Variants in FAM111B observed in about 807,000 individuals in gnomAD.
FAM111B encodes the protein FAM111 trypsin like peptidase B.
A neutral mutation model predicts 2.8 loss-of-function variants in FAM111B; 1 was observed. The observed-to-expected ratio is 0.36, with a 90% confidence interval of 0.13 to 1.70. FAM111B has a LOEUF of 1.70. Ranked by LOEUF, FAM111B falls within the 40% of genes most tolerant of loss-of-function variation. The probability of loss-of-function intolerance (pLI) is 0.35; values close to 1 mark genes in which losing one functional copy is unlikely to be tolerated. For synonymous variants in FAM111B, 297 were observed against 295.6 expected (o/e 1.00, Z -0.05); for missense variants, 882 against 878.9 (o/e 1.00, Z -0.04).
At chr11:59,122,925 T>C (rs1361487298) in intron 3 of FAM111B, among the ~76,000 whole-genome samples, 3 of 152,206 alleles carry the variant, frequency 2.0e-5, no homozygotes, top group Non-Finnish European at 2.9e-5. Context: ...CTTATTCCTC[T>C]ATTTATATAG....
chr11:59,109,028 A>G (rs1218430928), intron 2 of FAM111B, among the ~76,000 whole-genome samples: 1 of 152,216 alleles, frequency 6.6e-6, no homozygotes, highest in Non-Finnish European at 1.5e-5. Context: ...CTACTGCGGA[A>G]GAAATACCTT....
chr11:59,125,260 TAAAG>T lies in FAM111B; in HGVS notation c.1166_1169del (p.Lys389IlefsTer5). The T allele has an allele frequency of 6.2e-7, 1 of 1,613,876 alleles. No homozygotes were observed. Among genetic ancestry groups the T allele is most frequent in the Non-Finnish European group, 8.5e-7 (1 of 1,179,836 alleles). On this transcript the variant is annotated frameshift_variant, in exon 4 of 4. Transcript: ENST00000343597. LOFTEE classifies it low-confidence loss of function (END_TRUNC). ...GTCCAAAAGGAGGCAATTAATCTCT[TAAAG>T]AATTATCAAACGTTGAATGAAGCCA... is the stretch of plus-strand genomic sequence containing the variant.
intron 3 of FAM111B, among the ~76,000 whole-genome samples, chr11:59,119,852 A>G (rs980744473): frequency 2.6e-5 from 4 of 152,204 alleles, no homozygotes; most frequent in African/African-American, 9.7e-5. Context: ...ATAGTAAAAT[A>G]TAATATTTGA....
chr11:59,125,574 C>T lies in FAM111B; in HGVS notation c.1477C>T (p.His493Tyr). The change falls in exon 4 of 4, where the codon CAT (histidine) becomes TAT (tyrosine). Residue 493 changes from histidine (H) to tyrosine (Y), a missense_variant. His to Tyr is a moderately conservative substitution (Grantham distance 83). Transcript: ENST00000343597. ...GYIFTCRHVV[H>Y]LMVGKNTHPS... ...TATTTTCACCTGTCGACATGTTGTA[C>T]ATCTTATGGTGGGTAAAAACACACA... 1 of 1,613,864 alleles carries T rather than the reference C, an allele frequency of 6.2e-7. No homozygotes were observed. The highest frequency in any genetic ancestry group is 8.5e-7 in the Non-Finnish European group (1 of 1,179,804).
chr11:59,114,808 T>TTG (rs886118750), intron 3 of FAM111B, among the ~76,000 whole-genome samples: 12 of 151,772 alleles, frequency 7.9e-5, no homozygotes, highest in African/African-American at 2.9e-4. Context: ...TTGTGTGTGT[T>TTG]TGTGTGTGTG....
chr11:59,126,555 A>G lies in FAM111B; in HGVS notation c.*253A>G. 3.1e-6 allele frequency: 1 copy of G among 320,744 alleles called. No homozygotes were observed. Among genetic ancestry groups the G allele is most frequent in the Non-Finnish European group, 5.6e-6 (1 of 177,572 alleles). The allele number at this position is 320,744 out of a possible 1,614,324, so 19.9% of individuals were successfully genotyped here. On this transcript the variant is annotated 3_prime_UTR_variant, in exon 4 of 4. Transcript: ENST00000343597. ...AGGAACTTAAACAGATTAACAAGCA[A>G]AAAAAACAAGCAACCCCATTAAAAA...
intron 3 of FAM111B, among the ~76,000 whole-genome samples, chr11:59,120,970 A>G (rs186809030): frequency 5.1e-4 from 78 of 152,214 alleles, no homozygotes; most frequent in Middle Eastern, 3.4e-3. Context: ...TTAGTTATCC[A>G]CATGCAAAAA....
intron 3 of FAM111B, among the ~76,000 whole-genome samples, chr11:59,118,852 C>A (rs1377641084): frequency 6.6e-6 from 1 of 152,164 alleles, no homozygotes; most frequent in African/African-American, 2.4e-5. Flanking sequence ...TGGCTTATTA[C>A]AGTGATATAT....
intron 2 of FAM111B, 118 bp downstream of exon 2, chr11:59,108,830 C>T (rs1859709010): frequency 6.6e-6 from 1 of 152,142 alleles, no homozygotes; most frequent in African/African-American, 2.4e-5. Context: ...TTTTAAGTGC[C>T]TGCTGATTTT....
chr11:59,112,469 T>C (rs565337785), intron 3 of FAM111B, among the ~76,000 whole-genome samples: 1 of 152,344 alleles, frequency 6.6e-6, no homozygotes, highest in South Asian at 2.1e-4. Flanking sequence ...TTGTGAACAT[T>C]TGCCTGCAGG....
rs187842961 is a variant in FAM111B at position 59,107,273 on chromosome 11, C to G, written c.-155C>G. On this transcript the variant is annotated 5_prime_UTR_variant, in exon 1 of 4. Coordinates refer to ENST00000343597, the MANE Select transcript of FAM111B (RefSeq NM_198947.4). ...GGCGGGCACTGACGGGCACTTGCAC[C>G]GTGTGGACAGACTCTCCGGTTCTGT... is the stretch of plus-strand genomic sequence containing the variant. 6.6e-5 allele frequency: 10 copies of G among 152,506 alleles called. No individual in the cohort carries two copies. The highest frequency in any genetic ancestry group is 2.6e-4 in the Admixed American group (4 of 15,300). 9.4% of individuals were successfully genotyped at this position (152,506 alleles called of 1,614,324 possible). A position where few individuals can be genotyped will look rare whatever the true frequency, so the allele number is the denominator to read the frequency against.
chr11:59,114,709 C>T (rs979363996), intron 3 of FAM111B, among the ~76,000 whole-genome samples: 14 of 152,150 alleles, frequency 9.2e-5, no homozygotes, highest in East Asian at 1.9e-4. Flanking sequence ...GTGCCTGGTA[C>T]GTCACAGGTA....
chr11:59,121,509 G>A (rs1859921163), intron 3 of FAM111B, among the ~76,000 whole-genome samples: 1 of 152,052 alleles, frequency 6.6e-6, no homozygotes, highest in South Asian at 2.1e-4. Context: ...AGTGCAAGGT[G>A]GTACAACCAT....
chr11:59,108,059 G>A (rs764557705), intron 1 of FAM111B, among the ~76,000 whole-genome samples: 4 of 152,350 alleles, frequency 2.6e-5, no homozygotes, highest in Admixed American at 1.3e-4. Context: ...TGAGGCGGGG[G>A]TTGTGGAGTG....
In FAM111B at chr11:59,124,457, G is replaced by T; in HGVS notation, c.360G>T (p.Arg120Ser). The part of the protein sequence containing the change: ...ALSANDYFSE[R>S]IKNQFNKNII... ...GTGCTAATGACTATTTCAGTGAAAGGATAAAGAATCAGTTTAATAAGAACA... is the reference window on the plus strand; with the variant it reads ...GTGCTAATGACTATTTCAGTGAAAGTATAAAGAATCAGTTTAATAAGAACA... Residue 120 changes from arginine (R) to serine (S), a missense_variant, in exon 4 of 4, where the codon AGG (arginine) becomes AGT (serine). Physicochemically the swap from Arg to Ser is moderately radical, Grantham distance 110 (BLOSUM62 -1). Transcript: ENST00000343597. 6.2e-7 allele frequency: 1 copy of T among 1,613,560 alleles called. No individual in the cohort carries two copies. Among genetic ancestry groups the T allele is most frequent in the South Asian group, 1.1e-5 (1 of 91,060 alleles).
chr11:59,125,949 A>T lies in FAM111B; in HGVS notation c.1852A>T (p.Ser618Cys). The change falls in exon 4 of 4, where the codon AGT becomes TGT. Residue 618 changes from serine (S) to cysteine (C), a missense_variant. Transcript: ENST00000343597. ...DGLVDLYDTT[S>C]NVYCMFTQRS... ...GTTGGTAGATCTCTATGATACCACC[A>T]GTAATGTATACTGTATGTTTACCCA... is the stretch of plus-strand genomic sequence containing the variant. The T allele has an allele frequency of 6.2e-7, 1 of 1,613,898 alleles. No homozygotes were observed. Among genetic ancestry groups the T allele is most frequent in the Non-Finnish European group, 8.5e-7 (1 of 1,179,818 alleles).
intron 3 of FAM111B, among the ~76,000 whole-genome samples, chr11:59,115,331 C>T (rs1419809691): frequency 6.6e-6 from 1 of 152,210 alleles, no homozygotes; most frequent in African/African-American, 2.4e-5. Flanking sequence ...GAACCCACTA[C>T]TCATATCCAT....
rs1313773048 is a variant in FAM111B at position 59,125,581 on chromosome 11, T to C, written c.1484T>C (p.Met495Thr). The change falls in exon 4 of 4, where the codon ATG becomes ACG. Residue 495 changes from methionine to threonine, a missense_variant. Physicochemically the swap from Met to Thr is moderately conservative, Grantham distance 81. Transcript: ENST00000343597. ...IFTCRHVVHL[M>T]VGKNTHPSLW... The stretch of plus-strand genomic sequence containing the variant: ...ACCTGTCGACATGTTGTACATCTTA[T>C]GGTGGGTAAAAACACACATCCAAGT... 2 of 1,613,936 alleles carry C rather than the reference T, an allele frequency of 1.2e-6. No homozygotes were observed. Among genetic ancestry groups the C allele is most frequent in the South Asian group, 1.1e-5 (1 of 91,074 alleles).
Position 59,125,426 on chromosome 11 carries a change from AAAT to A in FAM111B, c.1330_1332del (p.Asn444del). The stretch of plus-strand genomic sequence containing the variant: ...AAAAGGACTTCGGAAAAATGACTGC[AAAT>A]TCTGTTTCAGTTGCAACCTGCGAAC... On this transcript the variant is annotated inframe_deletion, in exon 4 of 4. Transcript: ENST00000343597. The A allele has an allele frequency of 6.2e-7, 1 of 1,614,034 alleles. No homozygotes were observed. The highest frequency in any genetic ancestry group is 8.5e-7 in the Non-Finnish European group (1 of 1,179,874).
Sources: allele counts gnomAD v4.1 joint callset (sites outside exome capture counted in the v4.1 genomes callset), GRCh38; gene constraint gnomAD v4.1.1; transcripts MANE v1.5; gene names NCBI Gene and HGNC (gene_info 2026-07-23, HGNC 2026-07-21).